The following LANCL1 variants were observed in gnomAD, a reference collection of about 807,000 sequenced individuals.
LANCL1 encodes LanC like glutathione S-transferase 1, also known as glutathione S-transferase LANCL1.
A neutral mutation model predicts 50.6 loss-of-function variants in LANCL1; 50 were observed. The observed-to-expected ratio is 0.99, with a 90% CI of 0.79 to 1.25. LANCL1 has a LOEUF of 1.25. Ranked by LOEUF, LANCL1 falls within the 50% of genes most tolerant of loss-of-function variation. LANCL1 has a pLI of 0.00. For missense variants in LANCL1, 532 were observed against 480.7 expected, an observed-to-expected ratio of 1.11 and a Z score of -1.00; for synonymous variants, 188 against 178.6, an observed-to-expected ratio of 1.05 and a Z score of -0.42.
chr2:210,467,639 A>G (rs1694106002), intron 3 of LANCL1, among the ~76,000 whole-genome samples: 1 of 152,226 alleles, frequency 6.6e-6, no homozygotes, highest in East Asian at 1.9e-4. Flanking sequence ...GCAAGCTATT[A>G]GTAGTTAAGT....
chr2:210,455,158 A>T lies in LANCL1; in HGVS notation c.356T>A (p.Val119Glu). ...CTCATTGTTCATCTTGTGATATAGCACAGCGGCCACTGCCAGGGGGCCTGC... is the reference window on the plus strand; with the variant it reads ...CTCATTGTTCATCTTGTGATATAGCTCAGCGGCCACTGCCAGGGGGCCTGC... ...GDAGPLAVAA[V>E]LYHKMNNEKQ... Residue 119 changes from valine to glutamate, a missense_variant, in exon 4 of 10, where the codon GTG becomes GAG. Coordinates refer to ENST00000450366, the MANE Select transcript of LANCL1 (RefSeq NM_006055.3). 6.2e-7 allele frequency: 1 copy of T among 1,613,794 alleles called. No homozygotes were observed. The highest frequency in any genetic ancestry group is 8.5e-7 in the Non-Finnish European group (1 of 1,179,756).
intron 4 of LANCL1, among the ~76,000 whole-genome samples, chr2:210,453,939 G>GC (rs928709370): frequency 1.3e-5 from 2 of 151,972 alleles, no homozygotes; most frequent in Non-Finnish European, 2.9e-5. Context: ...GGAATGTTCA[G>GC]TTTTTTTCCT....
At chr2:210,456,630 T>C (rs1693682224) in intron 3 of LANCL1, among the ~76,000 whole-genome samples, 1 of 152,084 alleles carries the variant, frequency 6.6e-6, no homozygotes, top group African/African-American at 2.4e-5. Flanking sequence ...GAGCTTCTTC[T>C]AAAATTAGGT....
chr2:210,448,629 A>C lies in LANCL1; in HGVS notation c.407+6478T>G, dbSNP rs990658561. On this transcript the variant is annotated intron_variant, in intron 4 of 9. Coordinates refer to ENST00000450366, the MANE Select transcript of LANCL1 (RefSeq NM_006055.3). ...TAGCCAGACTAATAAAGAAGAAAAG[A>C]GAGAAGAATCAAATAGGCACAATAA... is the stretch of plus-strand genomic sequence containing the variant. 7.9e-5 allele frequency among the ~76,000 whole-genome samples: 12 copies of C among 152,188 alleles called. 1 individual carries two copies. Among genetic ancestry groups the C allele is most frequent in the African/African-American group, 2.9e-4 (12 of 41,454 alleles).
intron 3 of LANCL1, among the ~76,000 whole-genome samples, chr2:210,466,444 T>A (rs1394343156): frequency 6.6e-6 from 1 of 152,210 alleles, no homozygotes; most frequent in African/African-American, 2.4e-5. Context: ...GTTTTTACTT[T>A]ATTTACTGCC....
intron 6 of LANCL1, 85 bp from the exon 7 acceptor site, chr2:210,437,957 T>C (rs555059462): frequency 1.1e-6 from 1 of 952,188 alleles, no homozygotes; most frequent in Non-Finnish European, 1.5e-6. Flanking sequence ...AAAAAAAGCA[T>C]GGCTAAGGGG....
chr2:210,435,472 C>A lies in LANCL1; in HGVS notation c.1051-13G>T. On this transcript the variant is annotated splice_polypyrimidine_tract_variant and intron_variant, in intron 8 of 9. Transcript: ENST00000450366. ...ACCATTCAGCAAACTGAAAATGAGA[C>A]CAAGTTAAATTAGTATAGTGATTTC... 6.2e-7 allele frequency: 1 copy of A among 1,608,128 alleles called. No individual in the cohort carries two copies.
intron 4 of LANCL1, among the ~76,000 whole-genome samples, chr2:210,448,517 G>C (rs1693416958): frequency 6.6e-6 from 1 of 152,042 alleles, no homozygotes; most frequent in African/African-American, 2.4e-5. Context: ...AGAACTGAAG[G>C]AGATAAAGAC....
At chr2:210,435,606 T>A in intron 8 of LANCL1, 147 bp from the exon 9 acceptor site, 1 of 662,022 alleles carries the variant, frequency 1.5e-6, no homozygotes, top group East Asian at 2.7e-5. Flanking sequence ...AAAAGGATGG[T>A]TTGAAAGAGT....
rs1257616605 is a variant in LANCL1, at chr2:210,440,600, G to T, written c.688C>A (p.Gln230Lys). Reference sequence around the variant, plus strand: ...ATTTCACCATAATCACTCCTTACCTGCATCAGGTAGTAATAAATTCCAGCC... The same window carrying T: ...ATTTCACCATAATCACTCCTTACCTTCATCAGGTAGTAATAAATTCCAGCC... The part of the protein sequence containing the change: ...GLAGIYYYLM[Q>K]PSLQVSQGKL... The change falls in exon 6 of 10, where the codon CAG becomes AAG. Residue 230 changes from glutamine (Q) to lysine (K), a missense_variant and splice_region_variant. Transcript: ENST00000450366. 1 of 1,611,856 alleles carries T rather than the reference G, an allele frequency of 6.2e-7. No individual in the cohort carries two copies. The highest frequency in any genetic ancestry group is 1.7e-5 in the Admixed American group (1 of 59,604).
intron 3 of LANCL1, chr2:210,468,212 T>C (rs1574442155): frequency 6.7e-6 from 1 of 148,946 alleles, no homozygotes; most frequent in Admixed American, 6.7e-5. Context: ...AACTTTAAGG[T>C]GTTGTGAATC....
At chr2:210,458,204 T>C (rs1035662789) in intron 3 of LANCL1, among the ~76,000 whole-genome samples, 1 of 152,184 alleles carries the variant, frequency 6.6e-6, no homozygotes, top group Non-Finnish European at 1.5e-5. Context: ...CACCAGTCCA[T>C]GGATTGCCTA....
At chr2:210,449,649 T>C (rs1227504116) in intron 4 of LANCL1, among the ~76,000 whole-genome samples, 1 of 152,146 alleles carries the variant, frequency 6.6e-6, no homozygotes, top group African/African-American at 2.4e-5. Context: ...ATAAGCAAAG[T>C]CTCAGGATAC....
At chr2:210,465,642 G>A (rs532579171) in intron 3 of LANCL1, among the ~76,000 whole-genome samples, 1 of 152,092 alleles carries the variant, frequency 6.6e-6, no homozygotes, top group Non-Finnish European at 1.5e-5. Flanking sequence ...GTCAATATAC[G>A]GCAACTAGAA....
chr2:210,463,193 T>C (rs1317983746), intron 3 of LANCL1, among the ~76,000 whole-genome samples: 1 of 152,150 alleles, frequency 6.6e-6, no homozygotes, highest in African/African-American at 2.4e-5. Context: ...TGAATGGTAT[T>C]CTGGCCATAA....
At chr2:210,470,033 T>TAA (rs1001176397) in intron 3 of LANCL1, among the ~76,000 whole-genome samples, 1 of 152,024 alleles carries the variant, frequency 6.6e-6, no homozygotes, top group Non-Finnish European at 1.5e-5. Context: ...AAAAGATCTG[T>TAA]AAGTTTGAGC....
At position 210,455,214 on chromosome 2, in the gene LANCL1, G is replaced by A. The variant is rs781492994; in HGVS notation, c.300C>T (p.Thr100=). 1 of 1,613,444 alleles carries A rather than the reference G, an allele frequency of 6.2e-7. No homozygotes were observed. Among genetic ancestry groups the A allele is most frequent in the Non-Finnish European group, 8.5e-7 (1 of 1,179,708 alleles). ...GYVKQSLNCL[T]KRSITFLCGD... is the part of the protein sequence containing the mutation. ...CACAAAGGAAGGTGATGGAGCGCTT[G>A]GTTAAGCAGTTCAGACTTTGCTTTA... The change falls in exon 4 of 10, where the codon ACC becomes ACT. Residue 100 remains threonine, a synonymous_variant. Coordinates refer to ENST00000450366, the MANE Select transcript of LANCL1 (RefSeq NM_006055.3).
At position 210,476,736 on chromosome 2, in the gene LANCL1, C is replaced by T. The variant is rs1000180677; in HGVS notation, c.-133G>A. On this transcript the variant is annotated 5_prime_UTR_variant, in exon 1 of 10. Coordinates refer to ENST00000450366, the MANE Select transcript of LANCL1 (RefSeq NM_006055.3). ...TGGCCTCTCACCCCGCAGCCCCGGA[C>T]AGTAACAGAAGGGCTATTTTACCGC... The T allele has an allele frequency of 1.3e-4, 143 of 1,086,912 alleles. No individual in the cohort carries two copies. Among genetic ancestry groups the T allele is most frequent in the East Asian group, 4.0e-4 (6 of 15,012 alleles). 67.3% of individuals were successfully genotyped at this position (1,086,912 alleles called of 1,614,324 possible).
intron 4 of LANCL1, among the ~76,000 whole-genome samples, chr2:210,446,453 A>G (rs1693332020): frequency 6.6e-6 from 1 of 152,162 alleles, no homozygotes; most frequent in Non-Finnish European, 1.5e-5. Flanking sequence ...CTTCTTCTCC[A>G]AAGGATCACA....
Sources: allele counts gnomAD v4.1 joint callset (sites outside exome capture counted in the v4.1 genomes callset), GRCh38; gene constraint gnomAD v4.1.1; transcripts MANE v1.5; gene names NCBI Gene and HGNC (gene_info 2026-07-23, HGNC 2026-07-21).